Variants in DCAF5 observed in about 807,000 individuals in gnomAD.
DCAF5 encodes the protein DDB1 and CUL4 associated factor 5, also known as DDB1- and CUL4-associated factor 5.
A neutral mutation model predicts 80.7 loss-of-function variants in DCAF5; 9 were observed. That is an observed-to-expected ratio of 0.11 (90% CI 0.07 to 0.19). The LOEUF is 0.19. DCAF5 is among the 10% of genes least tolerant of loss of function. The pLI, the probability that DCAF5 is intolerant of heterozygous loss-of-function variation, is 1.00. For synonymous variants in DCAF5, 433 were observed against 461.9 expected, an observed-to-expected ratio of 0.94 and a Z score of 0.80; for missense variants, 842 against 1,205.7, an observed-to-expected ratio of 0.70 and a Z score of 4.47.
At chr14:69,146,461 A>C (rs550294740) in intron 1 of DCAF5, among the ~76,000 whole-genome samples, 2 of 152,362 alleles carry the variant, frequency 1.3e-5, no homozygotes, top group Admixed American at 1.3e-4. Flanking sequence ...CATGATCTTT[A>C]TAATTTATCA....
intron 8 of DCAF5, among the ~76,000 whole-genome samples, chr14:69,056,608 G>A (rs985510073): frequency 2.2e-4 from 33 of 152,270 alleles, no homozygotes; most frequent in South Asian, 6.2e-4. Flanking sequence ...GAAATCCCAG[G>A]CAATCTTCTT....
chr14:69,152,482 G>A lies in DCAF5; in HGVS notation c.214+283C>T. On this transcript the variant is annotated intron_variant, in intron 1 of 8. Coordinates refer to ENST00000341516, the MANE Select transcript of DCAF5 (RefSeq NM_003861.3). This position sits in a 1 kb window ranked among gnomAD's most constrained non-coding sequence, Gnocchi z 4.1. ...GAGCGGTAACCTCGCCCCCCTCCCC[G>A]ACCTACACTTTCAGGGCAGGCATCA... is the stretch of plus-strand genomic sequence containing the variant. 3.0e-6 allele frequency: 1 copy of A among 336,010 alleles called. No homozygotes were observed. The highest frequency in any genetic ancestry group is 5.5e-6 in the Non-Finnish European group (1 of 181,858). The allele number at this position is 336,010 out of a possible 1,614,324, so 20.8% of individuals were successfully genotyped here. A position where few individuals can be genotyped will look rare whatever the true frequency, so the allele number is the denominator to read the frequency against.
At position 69,062,266 on chromosome 14, in the gene DCAF5, G is replaced by A. The variant is rs973122391; in HGVS notation, c.1074+118C>T. ...TATTTTGTAATATGTTAAAATCTGA[G>A]AATTCTGATAGACCTTTAGTATGTT... is the stretch of plus-strand genomic sequence containing the variant. On this transcript the variant is annotated intron_variant, in intron 8 of 8. Coordinates refer to ENST00000341516, the MANE Select transcript of DCAF5 (RefSeq NM_003861.3). The A allele has an allele frequency of 2.8e-5, 31 of 1,109,608 alleles. 1 individual carries two copies. In the Middle Eastern group the frequency reaches 3.5e-3, roughly 125 times the overall value. The allele number at this position is 1,109,608 out of a possible 1,614,324, so 68.7% of individuals were successfully genotyped here. A position where few individuals can be genotyped will look rare whatever the true frequency, so the allele number is the denominator to read the frequency against.
intron 8 of DCAF5, among the ~76,000 whole-genome samples, chr14:69,056,643 T>C (rs2037982498): frequency 6.6e-6 from 1 of 152,210 alleles, no homozygotes; most frequent in Non-Finnish European, 1.5e-5. Flanking sequence ...TGTCTATCTT[T>C]AGATGGCATC....
At position 69,084,893 on chromosome 14, in the gene DCAF5, C is replaced by T. The variant is rs769481848; in HGVS notation, c.879+6781G>A. 554 of 1,356,514 alleles carry T rather than the reference C, an allele frequency of 4.1e-4. 1 individual carries two copies. Among genetic ancestry groups the T allele is most frequent in the Admixed American group, 1.9e-4 (11 of 59,072 alleles). The allele number at this position is 1,356,514 out of a possible 1,614,324, so 84.0% of individuals were successfully genotyped here. A position where few individuals can be genotyped will look rare whatever the true frequency, so the allele number is the denominator to read the frequency against. On this transcript the variant is annotated intron_variant, in intron 6 of 8. Transcript: ENST00000341516. Reference sequence around the variant, plus strand: ...TGTTCAGTATGACCCTCCGGATGACCCTAAGGAATAATATTCATCGTGTGG... The same window carrying T: ...TGTTCAGTATGACCCTCCGGATGACTCTAAGGAATAATATTCATCGTGTGG...
At chr14:69,095,778 T>C (rs760298625) in intron 5 of DCAF5, among the ~76,000 whole-genome samples, 4 of 152,202 alleles carry the variant, frequency 2.6e-5, no homozygotes, top group Non-Finnish European at 2.9e-5. Context: ...TATAAATCCA[T>C]GATTAACTAA....
In DCAF5 at chr14:69,053,544, C is replaced by A; in HGVS notation, c.*313G>T. 1 of 289,098 alleles carries A rather than the reference C, an allele frequency of 3.5e-6. No individual in the cohort carries two copies. The highest frequency in any genetic ancestry group is 7.9e-5 in the East Asian group (1 of 12,666). 17.9% of individuals were successfully genotyped at this position (289,098 alleles called of 1,614,324 possible). The stretch of plus-strand genomic sequence containing the variant: ...ACGTGCCATTGTGCGTACACAAGAA[C>A]AAGTCGAACGTCTCAACAAAGATTT... On this transcript the variant is annotated 3_prime_UTR_variant, in exon 9 of 9. Coordinates refer to ENST00000341516, the MANE Select transcript of DCAF5 (RefSeq NM_003861.3).
intron 7 of DCAF5, among the ~76,000 whole-genome samples, chr14:69,066,265 G>T (rs1268367130): frequency 1.3e-5 from 2 of 151,778 alleles, no homozygotes; most frequent in Non-Finnish European, 2.9e-5. Context: ...CTTCCGACTA[G>T]CTGGGATTAC....
Position 69,152,679 on chromosome 14 carries a change from G to C in DCAF5, c.214+86C>G, listed in dbSNP as rs1047138793. ...AGAAAGGGAGGGGGTGGGGACAGAGGGCAGGAGGAGGGTGACGGGGGAGAG... is the reference window on the plus strand; with the variant it reads ...AGAAAGGGAGGGGGTGGGGACAGAGCGCAGGAGGAGGGTGACGGGGGAGAG... On this transcript the variant is annotated intron_variant, in intron 1 of 8. Coordinates refer to ENST00000341516, the MANE Select transcript of DCAF5 (RefSeq NM_003861.3). This position sits in a 1 kb window ranked among gnomAD's most constrained non-coding sequence, Gnocchi z 4.1. 2.0e-6 allele frequency: 2 copies of C among 1,003,938 alleles called. No individual in the cohort carries two copies. Among genetic ancestry groups the C allele is most frequent in the Non-Finnish European group, 3.0e-6 (2 of 677,368 alleles). 62.2% of individuals were successfully genotyped at this position (1,003,938 alleles called of 1,614,324 possible). A position where few individuals can be genotyped will look rare whatever the true frequency, so the allele number is the denominator to read the frequency against.
chr14:69,091,242 T>A (rs761197005), intron 6 of DCAF5: 4 of 694,360 alleles, frequency 5.8e-6, no homozygotes, highest in Non-Finnish European at 1.0e-5. Flanking sequence ...AAAGATGGCA[T>A]CCCAAGAGGC....
chr14:69,098,727 C>CAAAAA (rs35501979), intron 5 of DCAF5, among the ~76,000 whole-genome samples: 3 of 92,522 alleles, frequency 3.2e-5, no homozygotes, highest in Non-Finnish European at 6.0e-5. Flanking sequence ...ACTAAAAATA[C>CAAAAA]AAAAAAAAAA....
At chr14:69,060,751 C>T (rs1215046795) in intron 8 of DCAF5, among the ~76,000 whole-genome samples, 3 of 152,080 alleles carry the variant, frequency 2.0e-5, no homozygotes, top group East Asian at 1.9e-4. Context: ...AGGCTGGTCT[C>T]GAACACCTAA....
At chr14:69,145,424 C>G (rs981510187) in intron 1 of DCAF5, among the ~76,000 whole-genome samples, 5 of 152,110 alleles carry the variant, frequency 3.3e-5, no homozygotes, top group Non-Finnish European at 7.4e-5. Flanking sequence ...ATTAACTACT[C>G]AACTTTAAAT....
chr14:69,077,343 A>G (rs1566734486), intron 6 of DCAF5, among the ~76,000 whole-genome samples: 1 of 150,404 alleles, frequency 6.6e-6, no homozygotes, highest in Non-Finnish European at 1.5e-5. Context: ...GATGGAACAC[A>G]GGCATGCACC....
chr14:69,070,108 C>T (rs2038626020), intron 7 of DCAF5, among the ~76,000 whole-genome samples: 1 of 152,144 alleles, frequency 6.6e-6, no homozygotes, highest in Non-Finnish European at 1.5e-5. Flanking sequence ...TAAAGCCATT[C>T]CTAACAACTC....
intron 1 of DCAF5, among the ~76,000 whole-genome samples, chr14:69,139,362 G>A (rs554748341): frequency 6.6e-6 from 1 of 151,736 alleles, no homozygotes; most frequent in Non-Finnish European, 1.5e-5. Flanking sequence ...TGCACACATA[G>A]GTGTACATCA....
At chr14:69,128,898 A>T (rs1566780050) in intron 1 of DCAF5, among the ~76,000 whole-genome samples, 1 of 152,072 alleles carries the variant, frequency 6.6e-6, no homozygotes, top group Non-Finnish European at 1.5e-5. Flanking sequence ...TGGGAGGATC[A>T]CTTGAACTCA....
chr14:69,127,783 A>T (rs964415068), intron 1 of DCAF5, among the ~76,000 whole-genome samples: 25 of 152,150 alleles, frequency 1.6e-4, no homozygotes, highest in African/African-American at 5.3e-4. Flanking sequence ...CTTTCTCTTA[A>T]TTTTGCTGTG....
At chr14:69,062,599 G>T in intron 7 of DCAF5, 88 bp from the exon 8 acceptor site, 1 of 1,472,894 alleles carries the variant, frequency 6.8e-7, no homozygotes, top group Non-Finnish European at 9.2e-7. Flanking sequence ...AGCTCTGAAT[G>T]GGAGCAAAGA....
Sources: gnomAD v4.1 joint callset for allele counts (sites outside exome capture counted in the v4.1 genomes callset) on GRCh38, gnomAD v4.1.1 for gene constraint, Gnocchi (gnomAD v3.1) non-coding constraint, MANE v1.5 for transcripts, NCBI Gene and HGNC (gene_info 2026-07-23, HGNC 2026-07-21) for gene names.